Variants in RBFOX3 observed in about 807,000 individuals in gnomAD.
The protein encoded by RBFOX3 is RNA binding protein fox-1 homolog 3.
A neutral mutation model predicts 48.7 loss-of-function variants in RBFOX3; 17 were observed. The ratio of observed to expected loss-of-function variants is 0.35; its 90% CI spans 0.24 to 0.52. The LOEUF (loss-of-function observed/expected upper bound fraction) is 0.52, where lower values mean the gene tolerates loss of function less well. Ranked by LOEUF, RBFOX3 falls within the 20% of genes least tolerant of loss-of-function variation. The pLI is 0.94. For synonymous variants in RBFOX3, 212 were observed against 209.5 expected (o/e 1.01, Z -0.10); for missense variants, 382 against 497.5 (o/e 0.77, Z 2.21).
rs551157130 is a variant in RBFOX3, at chr17:79,256,135, G to A, written c.-73-20330C>T. On this transcript the variant is annotated intron_variant, in intron 3 of 14. Transcript: ENST00000693108. ...GCCCATTGTAAACCCTCCCAGCCCC[G>A]CCAGGTGTGCACCCCCGCCTTGCTC... Among the ~76,000 whole-genome samples, 103 of 151,820 alleles carry A rather than the reference G, an allele frequency of 6.8e-4. 1 individual carries two copies. The highest frequency in any genetic ancestry group is 2.3e-3 in the African/African-American group (94 of 41,416).
intron 2 of RBFOX3, among the ~76,000 whole-genome samples, chr17:79,382,593 T>C (rs2060060571): frequency 6.6e-6 from 1 of 152,162 alleles, no homozygotes; most frequent in Non-Finnish European, 1.5e-5. Flanking sequence ...AAGCCAACCC[T>C]TGCGGTCATG....
intron 1 of RBFOX3, among the ~76,000 whole-genome samples, chr17:79,575,031 G>A (rs1358376188): frequency 2.0e-5 from 3 of 152,232 alleles, no homozygotes; most frequent in Non-Finnish European, 2.9e-5. Flanking sequence ...GTGCATACTG[G>A]AACCAGCCAA....
At chr17:79,528,001 C>T (rs1599048268) in intron 1 of RBFOX3, among the ~76,000 whole-genome samples, 1 of 152,212 alleles carries the variant, frequency 6.6e-6, no homozygotes, top group African/African-American at 2.4e-5. Context: ...ACGTCAAAGC[C>T]CTAACCTCTG....
chr17:79,521,175 T>A (rs994958208), intron 1 of RBFOX3, among the ~76,000 whole-genome samples: 1 of 151,884 alleles, frequency 6.6e-6, no homozygotes, highest in Non-Finnish European at 1.5e-5. Flanking sequence ...CACCAGTACA[T>A]ACAGGCATGC....
At chr17:79,394,316 A>C (rs922454945) in intron 2 of RBFOX3, among the ~76,000 whole-genome samples, 3 of 152,070 alleles carry the variant, frequency 2.0e-5, no homozygotes, top group Non-Finnish European at 4.4e-5. Context: ...TCACTGAGAC[A>C]CTCACTCCCC....
At chr17:79,176,275 A>C (rs1450354408) in intron 4 of RBFOX3, among the ~76,000 whole-genome samples, 1 of 152,184 alleles carries the variant, frequency 6.6e-6, no homozygotes, top group Non-Finnish European at 1.5e-5. Flanking sequence ...AGCAGAGACA[A>C]GACTTGCTCC....
intron 4 of RBFOX3, among the ~76,000 whole-genome samples, chr17:79,138,347 A>G (rs2040768103): frequency 6.6e-6 from 1 of 152,124 alleles, no homozygotes; most frequent in Non-Finnish European, 1.5e-5. Flanking sequence ...ACCATGTCAC[A>G]CGCAGGTGTG....
At chr17:79,266,547 C>T (rs1600303191) in intron 3 of RBFOX3, among the ~76,000 whole-genome samples, 1 of 152,078 alleles carries the variant, frequency 6.6e-6, no homozygotes. Context: ...GCGGAGCTCC[C>T]GAAGTGCTTG....
intron 1 of RBFOX3, among the ~76,000 whole-genome samples, chr17:79,539,849 C>A (rs545775468): frequency 1.3e-5 from 2 of 152,252 alleles, no homozygotes; most frequent in African/African-American, 4.8e-5. Flanking sequence ...AAGAACATGG[C>A]GCATGGTTAA....
At chr17:79,414,278 C>A (rs909573060) in intron 2 of RBFOX3, among the ~76,000 whole-genome samples, 3 of 152,186 alleles carry the variant, frequency 2.0e-5, no homozygotes, top group African/African-American at 7.2e-5. Context: ...ACAAAGTCTC[C>A]GTTGCCATGG....
intron 4 of RBFOX3, among the ~76,000 whole-genome samples, chr17:79,175,062 T>C (rs967088384): frequency 5.3e-5 from 8 of 152,050 alleles, no homozygotes; most frequent in African/African-American, 1.9e-4. Context: ...TCTTCCTCCA[T>C]ACCTGGCAAG....
In RBFOX3 at chr17:79,364,204, C is replaced by A. The variant is rs984050323; in HGVS notation, c.-174-56380G>T. Among the ~76,000 whole-genome samples, 2 of 152,246 alleles carry A rather than the reference C, an allele frequency of 1.3e-5. No homozygotes were observed. Among genetic ancestry groups the A allele is most frequent in the Admixed American group, 6.5e-5 (1 of 15,288 alleles). ...GTGTTCAGCCTTCCTCTCTGCTCCA[C>A]CTGCCTGCCCAGAGTAGGTCTGGCA... On this transcript the variant is annotated intron_variant, in intron 2 of 14. Transcript: ENST00000693108. The surrounding 1 kb of genome is among the most constrained non-coding windows in gnomAD (Gnocchi z 5.1).
intron 4 of RBFOX3, among the ~76,000 whole-genome samples, chr17:79,138,713 C>CCACACACGCACACAGCACATGCGTTCACA: frequency 5.9e-5 from 3 of 50,806 alleles, no homozygotes; most frequent in African/African-American, 2.7e-4. Flanking sequence ...GCGTTCACAC[C>CCACACACGCACACAGCACATGCGTTCACA]CCCTCACCCA....
At chr17:79,222,419 A>T (rs2059848953) in intron 4 of RBFOX3, among the ~76,000 whole-genome samples, 1 of 152,204 alleles carries the variant, frequency 6.6e-6, no homozygotes, top group African/African-American at 2.4e-5. Flanking sequence ...CTAAGCTGGG[A>T]TGGCAGGACA....
intron 2 of RBFOX3, among the ~76,000 whole-genome samples, chr17:79,372,072 G>A (rs2058621353): frequency 6.6e-6 from 1 of 152,084 alleles, no homozygotes; most frequent in Non-Finnish European, 1.5e-5. Flanking sequence ...GCCTAGCACG[G>A]TGAATGCACC....
chr17:79,383,031 A>ACACAC, intron 2 of RBFOX3, among the ~76,000 whole-genome samples: 1 of 141,302 alleles, frequency 7.1e-6, no homozygotes, highest in Non-Finnish European at 1.5e-5. Flanking sequence ...CTGCCTCTCA[A>ACACAC]ACACACACAC....
At chr17:79,288,852 G>A (rs1193917911) in intron 3 of RBFOX3, among the ~76,000 whole-genome samples, 2 of 151,762 alleles carry the variant, frequency 1.3e-5, no homozygotes, top group East Asian at 3.9e-4. Context: ...GTAATAGGGA[G>A]AAGTAGAGTG....
At chr17:79,626,652 G>A in the RBFOX3 span, among the ~76,000 whole-genome samples, 1 of 152,212 alleles carries the variant, frequency 6.6e-6, no homozygotes, top group African/African-American at 2.4e-5. Context: ...CCCACCGATG[G>A]GATATACACA....
rs894861445 is a variant in RBFOX3 at position 79,530,683 on chromosome 17, C to T, written c.-319-48085G>A. Among the ~76,000 whole-genome samples, 78 of 152,220 alleles carry T rather than the reference C, an allele frequency of 5.1e-4. No individual in the cohort carries two copies. The South Asian group carries it at 6.0e-3, about 12-fold the overall frequency. Reference sequence around the variant, plus strand: ...AAGATGAATGAGACTCTGCTCCAGCCCTCGGGTGCCTGCAATAGGGCTGCA... The same window carrying T: ...AAGATGAATGAGACTCTGCTCCAGCTCTCGGGTGCCTGCAATAGGGCTGCA... On this transcript the variant is annotated intron_variant, in intron 1 of 14. Coordinates refer to ENST00000693108, the MANE Select transcript of RBFOX3 (RefSeq NM_001350451.2).
Sources: allele counts gnomAD v4.1 joint callset (sites outside exome capture counted in the v4.1 genomes callset), GRCh38; gene constraint gnomAD v4.1.1; non-coding constraint Gnocchi (gnomAD v3.1); transcripts MANE v1.5; gene names NCBI Gene and HGNC (gene_info 2026-07-23, HGNC 2026-07-21).